The following CTNNA3 variants were observed in gnomAD, a reference collection of about 807,000 sequenced individuals.
The protein encoded by CTNNA3 is catenin alpha-3.
CTNNA3 carries 76 observed loss-of-function variants against 95.7 expected under a neutral mutation model. The ratio of observed to expected loss-of-function variants is 0.79; its 90% CI spans 0.66 to 0.96. CTNNA3 has a LOEUF of 0.96. Among genes scored for constraint, CTNNA3 ranks in the 40% least tolerant of loss-of-function variants. The pLI is 0.00. For missense variants in CTNNA3, 1,191 were observed against 1,089.8 expected (o/e 1.09, Z -1.31); for synonymous variants, 431 against 374.4 (o/e 1.15, Z -1.74).
At chr10:66,437,871 A>T (rs1011104495) in intron 11 of CTNNA3, among the ~76,000 whole-genome samples, 1 of 151,622 alleles carries the variant, frequency 6.6e-6, no homozygotes, top group Non-Finnish European at 1.5e-5. Context: ...TGATCTTTGG[A>T]TGGGGTTTTT....
intron 12 of CTNNA3, among the ~76,000 whole-genome samples, chr10:66,330,171 A>G (rs1289412012): frequency 6.6e-6 from 1 of 151,360 alleles, no homozygotes; most frequent in Non-Finnish European, 1.5e-5. Flanking sequence ...GCATCCATTA[A>G]CTCGTCATTT....
At chr10:66,439,388 A>G (rs1437885838) in intron 11 of CTNNA3, among the ~76,000 whole-genome samples, 1 of 152,196 alleles carries the variant, frequency 6.6e-6, no homozygotes, top group Non-Finnish European at 1.5e-5. Context: ...ATAGGTTAGC[A>G]TGATAAAAAA....
chr10:67,528,013 A>G (rs900369284), intron 4 of CTNNA3, among the ~76,000 whole-genome samples: 4 of 152,312 alleles, frequency 2.6e-5, no homozygotes, highest in Non-Finnish European at 2.9e-5. Flanking sequence ...TGCAAGTTTC[A>G]ATATAAAATC....
chr10:67,395,360 A>G (rs1430626693), intron 5 of CTNNA3, among the ~76,000 whole-genome samples: 1 of 152,206 alleles, frequency 6.6e-6, no homozygotes, highest in Non-Finnish European at 1.5e-5. Context: ...GGAGCCATTT[A>G]TAATCATTTT....
At chr10:66,576,583 G>A (rs11816835) in intron 10 of CTNNA3, among the ~76,000 whole-genome samples, 1 of 151,774 alleles carries the variant, frequency 6.6e-6, no homozygotes, top group Non-Finnish European at 1.5e-5. Flanking sequence ...CATGTGGAAT[G>A]TGGTTGTCTG....
intron 5 of CTNNA3, among the ~76,000 whole-genome samples, chr10:67,454,341 C>G (rs886374882): frequency 6.6e-6 from 1 of 152,096 alleles, no homozygotes; most frequent in Non-Finnish European, 1.5e-5. Context: ...CACAACTGAG[C>G]TTATGTTTCC....
chr10:66,505,432 A>C (rs1840416932), intron 11 of CTNNA3, among the ~76,000 whole-genome samples: 1 of 152,194 alleles, frequency 6.6e-6, no homozygotes, highest in African/African-American at 2.4e-5. Context: ...ATCCCTGAAC[A>C]ATATACTGTA....
chr10:67,590,741 G>T (rs1267507441), intron 3 of CTNNA3, among the ~76,000 whole-genome samples: 1 of 151,744 alleles, frequency 6.6e-6, no homozygotes, highest in Non-Finnish European at 1.5e-5. Context: ...TTTTCTTTTT[G>T]ATTTGTGAAG....
chr10:66,498,621 T>C (rs1840176193), intron 11 of CTNNA3, among the ~76,000 whole-genome samples: 1 of 152,144 alleles, frequency 6.6e-6, no homozygotes. Flanking sequence ...ACACATCAGA[T>C]TTTACATTAG....
At chr10:66,360,813 CTTCCTTTCTTTCTTT>C (rs2092663696) in intron 12 of CTNNA3, among the ~76,000 whole-genome samples, 4 of 62,568 alleles carry the variant, frequency 6.4e-5, no homozygotes, top group Admixed American at 3.4e-4. Flanking sequence ...TCCTTCCTTC[CTTCCTTTCTTTCTTT>C]CTTTCTTTCT....
rs140433144 is a variant in CTNNA3 at position 65,930,596 on chromosome 10, A to G, written c.2401-9979T>C. On this transcript the variant is annotated intron_variant, in intron 17 of 17. Coordinates refer to ENST00000433211, the MANE Select transcript of CTNNA3 (RefSeq NM_013266.4). Reference sequence around the variant, plus strand: ...CTCATTTTTAGTATGTCGTGATTTCATTCTTAAAATCTCATAGTAGTTAAT... The same window carrying G: ...CTCATTTTTAGTATGTCGTGATTTCGTTCTTAAAATCTCATAGTAGTTAAT... Among the ~76,000 whole-genome samples the G allele has an allele frequency of 8.9e-3, 1,353 of 152,268 alleles. 10 individuals carry two copies. The highest frequency in any genetic ancestry group is 0.013 in the Non-Finnish European group (868 of 68,018).
intron 7 of CTNNA3, among the ~76,000 whole-genome samples, chr10:67,077,966 CA>C (rs1206935219): frequency 6.6e-6 from 1 of 152,138 alleles, no homozygotes; most frequent in Non-Finnish European, 1.5e-5. Flanking sequence ...ATCTCACCAA[CA>C]GCTTAGAAAG....
At chr10:67,519,226 C>T (rs564428230) in intron 5 of CTNNA3, among the ~76,000 whole-genome samples, 12 of 151,878 alleles carry the variant, frequency 7.9e-5, no homozygotes, top group Admixed American at 3.9e-4. Context: ...TATCTTGTGC[C>T]GAGAAAGAAA....
intron 7 of CTNNA3, among the ~76,000 whole-genome samples, chr10:67,084,565 G>A (rs1030135893): frequency 6.6e-6 from 1 of 151,830 alleles, no homozygotes; most frequent in Admixed American, 6.6e-5. Flanking sequence ...AAAATTTCCT[G>A]ATCCTACATT....
chr10:65,931,001 G>A (rs1425892524), intron 17 of CTNNA3, among the ~76,000 whole-genome samples: 2 of 152,086 alleles, frequency 1.3e-5, no homozygotes, highest in African/African-American at 2.4e-5. Flanking sequence ...TAAAACATCA[G>A]CTTCTCTATT....
At chr10:66,865,492 T>C (rs748734053) in intron 7 of CTNNA3, among the ~76,000 whole-genome samples, 1 of 152,160 alleles carries the variant, frequency 6.6e-6, no homozygotes, top group East Asian at 1.9e-4. Context: ...TTGCTGAATA[T>C]TCTCGATTCC....
At chr10:67,277,754 T>C (rs917139106) in intron 5 of CTNNA3, among the ~76,000 whole-genome samples, 2 of 152,130 alleles carry the variant, frequency 1.3e-5, no homozygotes, top group East Asian at 3.9e-4. Flanking sequence ...CTAATTATAA[T>C]GCATTAGCAT....
At chr10:67,489,534 G>T (rs563362474) in intron 5 of CTNNA3, among the ~76,000 whole-genome samples, 1 of 152,192 alleles carries the variant, frequency 6.6e-6, no homozygotes, top group South Asian at 2.1e-4. Context: ...ACCAAGAAAA[G>T]CACCTTGGCC....
At chr10:66,941,680 G>A (rs1848004019) in intron 7 of CTNNA3, among the ~76,000 whole-genome samples, 2 of 152,304 alleles carry the variant, frequency 1.3e-5, no homozygotes, top group East Asian at 1.9e-4. Context: ...GGGAGGAGGG[G>A]ATGCTAACAG....
Sources: gnomAD v4.1 joint callset for allele counts (sites outside exome capture counted in the v4.1 genomes callset) on GRCh38, gnomAD v4.1.1 for gene constraint, MANE v1.5 for transcripts, NCBI Gene and HGNC (gene_info 2026-07-23, HGNC 2026-07-21) for gene names.